ZC3H13: variants seen among roughly 807,000 people sequenced by gnomAD.
ZC3H13 encodes the protein zinc finger CCCH-type containing 13.
ZC3H13 carries 64 observed loss-of-function variants against 204.1 expected under a neutral mutation model. The ratio of observed to expected loss-of-function variants is 0.31; its 90% CI spans 0.26 to 0.39. The LOEUF (loss-of-function observed/expected upper bound fraction) is 0.39, where lower values mean the gene tolerates loss of function less well. Among genes scored for constraint, ZC3H13 ranks in the 10% least tolerant of loss-of-function variants. ZC3H13 has a pLI of 1.00. For synonymous variants in ZC3H13, 667 were observed against 693.7 expected, an observed-to-expected ratio of 0.96 and a Z score of 0.60; for missense variants, 1,833 against 2,082.7, an observed-to-expected ratio of 0.88 and a Z score of 2.33.
intron 11 of ZC3H13, among the ~76,000 whole-genome samples, chr13:45,977,108 C>A (rs575689166): frequency 2.0e-5 from 3 of 152,160 alleles, no homozygotes; most frequent in Non-Finnish European, 4.4e-5. Context: ...CCAGAGTTGT[C>A]TTCCCAATGT....
intron 8 of ZC3H13, among the ~76,000 whole-genome samples, chr13:45,994,138 T>C (rs567579440): frequency 1.3e-5 from 2 of 152,384 alleles, no homozygotes; most frequent in South Asian, 4.1e-4. Context: ...ACTTAATGAA[T>C]AGTAAATATA....
At chr13:45,992,637 G>A (rs758918971) in intron 8 of ZC3H13, among the ~76,000 whole-genome samples, 51 of 152,206 alleles carry the variant, frequency 3.4e-4, no homozygotes, top group South Asian at 8.3e-4. Context: ...GGGTTAACTG[G>A]GTCATGGAAT....
intron 9 of ZC3H13, among the ~76,000 whole-genome samples, chr13:45,988,509 G>A (rs553500915): frequency 3.3e-5 from 5 of 152,118 alleles, no homozygotes; most frequent in East Asian, 1.9e-4. Flanking sequence ...CTCCCACCTC[G>A]GCCTCCCAAA....
At chr13:45,987,425 A>G (rs1219726625) in intron 9 of ZC3H13, among the ~76,000 whole-genome samples, 1 of 152,152 alleles carries the variant, frequency 6.6e-6, no homozygotes, top group Admixed American at 6.5e-5. Context: ...GGTCAACTCT[A>G]GTTGTTAAAT....
At chr13:46,036,278 T>C (rs990865494) in intron 4 of ZC3H13, among the ~76,000 whole-genome samples, 5 of 152,106 alleles carry the variant, frequency 3.3e-5, no homozygotes, top group African/African-American at 1.2e-4. Flanking sequence ...GACAGTAAAC[T>C]TCATACTAGA....
At position 46,031,114 on chromosome 13, in the gene ZC3H13, T is replaced by C. The variant is rs554212976; in HGVS notation, c.340-10557A>G. Among the ~76,000 whole-genome samples the C allele has an allele frequency of 3.9e-5, 6 of 152,008 alleles. No individual in the cohort carries two copies. In the South Asian group the frequency reaches 6.2e-4, roughly 16 times the overall value. On this transcript the variant is annotated intron_variant, in intron 4 of 18. Coordinates refer to ENST00000679008, the MANE Select transcript of ZC3H13 (RefSeq NM_001330564.2). Reference sequence around the variant, plus strand: ...GTGGAAAATAATAAGAGCCCAGAAATAGGCTCCCACAAACATAGTCAACTG... The same window carrying C: ...GTGGAAAATAATAAGAGCCCAGAAACAGGCTCCCACAAACATAGTCAACTG...
chr13:46,030,980 T>C (rs977214348), intron 4 of ZC3H13, among the ~76,000 whole-genome samples: 1 of 151,938 alleles, frequency 6.6e-6, no homozygotes, highest in Non-Finnish European at 1.5e-5. Flanking sequence ...GCCAACACAA[T>C]ACTGAAGAAC....
chr13:46,046,605 T>A (rs1003562572), intron 1 of ZC3H13, among the ~76,000 whole-genome samples: 1 of 151,230 alleles, frequency 6.6e-6, no homozygotes, highest in Non-Finnish European at 1.5e-5. Flanking sequence ...GAGGCAGAGC[T>A]TGCAGTGAGC....
chr13:46,011,648 C>T lies in ZC3H13; in HGVS notation c.449-94G>A, dbSNP rs919834550. 4.8e-5 allele frequency: 46 copies of T among 960,984 alleles called. No homozygotes were observed. In the Middle Eastern group the frequency reaches 1.6e-3, roughly 34 times the overall value. The allele number at this position is 960,984 out of a possible 1,614,324, so 59.5% of individuals were successfully genotyped here. A position where few individuals can be genotyped will look rare whatever the true frequency, so the allele number is the denominator to read the frequency against. On this transcript the variant is annotated intron_variant, in intron 5 of 18. Transcript: ENST00000679008. ...TTTTCAACTAATTTCTTACACAAAT[C>T]TAAATAGCAGAGTCTTTCATCAGGA... is the stretch of plus-strand genomic sequence containing the variant.
chr13:45,989,470 C>T (rs1200211022), intron 8 of ZC3H13, among the ~76,000 whole-genome samples: 1 of 152,170 alleles, frequency 6.6e-6, no homozygotes, highest in Non-Finnish European at 1.5e-5. Context: ...GCAAAACATA[C>T]TACTGAGATC....
chr13:46,052,162 G>A (rs1471724625), intron 1 of ZC3H13, among the ~76,000 whole-genome samples: 1 of 152,018 alleles, frequency 6.6e-6, no homozygotes, highest in Non-Finnish European at 1.5e-5. Context: ...AAATGGTAAC[G>A]AGGGGTACAG....
chr13:46,010,312 A>C, intron 7 of ZC3H13, 36 bp downstream of exon 7: 1 of 1,503,380 alleles, frequency 6.7e-7, no homozygotes, highest in Non-Finnish European at 9.0e-7. Context: ...CTTCAGAAAA[A>C]GCTATTTTCT....
chr13:45,965,134 A>C, intron 16 of ZC3H13, 146 bp downstream of exon 16: 1 of 1,011,968 alleles, frequency 9.9e-7, no homozygotes, highest in Non-Finnish European at 1.4e-6. Context: ...TATAATTTTC[A>C]TTTTATTGGC....
Position 45,957,137 on chromosome 13 carries a change from C to T in ZC3H13, c.5000G>A (p.Cys1667Tyr), listed in dbSNP as rs938809082. 47 of 1,529,254 alleles carry T rather than the reference C, an allele frequency of 3.1e-5. No individual in the cohort carries two copies. The East Asian group carries it at 1.2e-3, about 38-fold the overall frequency. The allele number at this position is 1,529,254 out of a possible 1,614,324, so 94.7% of individuals were successfully genotyped here. A position where few individuals can be genotyped will look rare whatever the true frequency, so the allele number is the denominator to read the frequency against. The change falls in exon 19 of 19, where the codon TGT becomes TAT. Residue 1667 changes from cysteine (C) to tyrosine (Y), a missense_variant. Cys to Tyr is a radical substitution (Grantham distance 194). Around this residue, in one of 5 missense-constraint regions of ZC3H13, gnomAD observed 211 missense variants for 228.4 expected, o/e 0.92. Coordinates refer to ENST00000679008, the MANE Select transcript of ZC3H13 (RefSeq NM_001330564.2). ...TATTGAACTTCGGTCTTAAGACACACACAGTTCCTGTTGGATACTGGACTG... is the reference window on the plus strand; with the variant it reads ...TATTGAACTTCGGTCTTAAGACACATACAGTTCCTGTTGGATACTGGACTG... ...LSQSSIQQELCVS is the reference protein window; with the variant it reads ...LSQSSIQQELYVS
chr13:45,957,093 G>A lies in ZC3H13; in HGVS notation c.*34C>T. On this transcript the variant is annotated 3_prime_UTR_variant, in exon 19 of 19. Transcript: ENST00000679008. ...AAAAGAATATGCACTGCTGAAGGAA[G>A]ACAGTACCAAAAATACCATATTGAA... The A allele has an allele frequency of 1.4e-6, 2 of 1,410,492 alleles. No homozygotes were observed. The highest frequency in any genetic ancestry group is 9.4e-7 in the Non-Finnish European group (1 of 1,068,530). 87.4% of individuals were successfully genotyped at this position (1,410,492 alleles called of 1,614,324 possible).
intron 4 of ZC3H13, 33 bp downstream of exon 4, chr13:46,042,131 A>C (rs1156980953): frequency 6.5e-7 from 1 of 1,526,996 alleles, no homozygotes; most frequent in African/African-American, 1.4e-5. Context: ...TCACTACTGA[A>C]GTTGAACTTT....
chr13:46,019,275 C>T (rs1045451860), intron 5 of ZC3H13, among the ~76,000 whole-genome samples: 1 of 152,060 alleles, frequency 6.6e-6, no homozygotes, highest in Non-Finnish European at 1.5e-5. Context: ...CATAAAGACT[C>T]GACTTGGCCA....
chr13:45,988,966 T>TAA lies in ZC3H13; in HGVS notation c.1074_1075dup (p.Tyr359PhefsTer6). The stretch of plus-strand genomic sequence containing the variant: ...TAAAGGTGGAGTTAGTGTCCGCTGA[T>TAA]AAGATGGTGAAGGAGTTCTTTTTCG... On this transcript the variant is annotated frameshift_variant, in exon 9 of 19. Transcript: ENST00000679008. LOFTEE classifies it high-confidence loss of function. The TAA allele has an allele frequency of 6.2e-7, 1 of 1,614,088 alleles. No homozygotes were observed. The highest frequency in any genetic ancestry group is 8.5e-7 in the Non-Finnish European group (1 of 1,180,002).
intron 7 of ZC3H13, among the ~76,000 whole-genome samples, chr13:46,004,244 T>C (rs7990238): frequency 0.75 from 113,801 of 151,880 alleles, 43,124 homozygotes; most frequent in African/African-American, 0.85. Flanking sequence ...AGCATCTTTC[T>C]GTAACAAAAA....
Sources: allele counts gnomAD v4.1 joint callset (sites outside exome capture counted in the v4.1 genomes callset), GRCh38; gene constraint gnomAD v4.1.1; regional missense constraint gnomAD v4.1.1; transcripts MANE v1.5; gene names NCBI Gene and HGNC (gene_info 2026-07-23, HGNC 2026-07-21).